The following SH3KBP1 variants were observed in gnomAD, a reference collection of about 807,000 sequenced individuals.
SH3KBP1 encodes SH3 domain containing kinase binding protein 1.
In SH3KBP1, 8 loss-of-function variants were observed where a neutral mutation model predicts 50.1. The ratio of observed to expected loss-of-function variants is 0.16; its 90% CI spans 0.09 to 0.29. The LOEUF (loss-of-function observed/expected upper bound fraction) is 0.29. Among genes scored for constraint, SH3KBP1 ranks in the 10% least tolerant of loss-of-function variants. The probability of loss-of-function intolerance (pLI) is 1.00; values close to 1 mark genes in which losing one functional copy is unlikely to be tolerated. For missense variants in SH3KBP1, 377 were observed against 535.2 expected (o/e 0.70, Z 2.92); for synonymous variants, 227 against 218.6 (o/e 1.04, Z -0.34).
chrX:19,746,587 T>C (rs2064925666), intron 2 of SH3KBP1, 146 bp from the exon 3 acceptor site: 3 of 576,735 alleles, frequency 5.2e-6, no homozygotes, highest in African/African-American at 4.7e-5. Flanking sequence ...CCATTTTCTG[T>C]ATCTTTGTAG....
chrX:19,813,846 C>A (rs749438394), intron 2 of SH3KBP1, among the ~76,000 whole-genome samples: 2 of 112,135 alleles, frequency 1.8e-5, no homozygotes, highest in Non-Finnish European at 3.8e-5. Flanking sequence ...AGTATTTCTC[C>A]AGTGTCTTGG....
chrX:19,536,733 C>T (rs2064719866), intron 17 of SH3KBP1, among the ~76,000 whole-genome samples: 1 of 112,081 alleles, frequency 8.9e-6, no homozygotes. Flanking sequence ...ATTCCAGTTT[C>T]TTAGCCAGAG....
intron 3 of SH3KBP1, among the ~76,000 whole-genome samples, chrX:19,733,280 T>C (rs1325899753): frequency 9.0e-6 from 1 of 110,558 alleles, no homozygotes; most frequent in African/African-American, 3.3e-5. Context: ...TTTTTGAAAA[T>C]GAAGGGTGAT....
chrX:19,740,371 C>T (rs1476630189), intron 3 of SH3KBP1, among the ~76,000 whole-genome samples: 1 of 112,115 alleles, frequency 8.9e-6, no homozygotes, highest in East Asian at 2.8e-4. Flanking sequence ...GTATATATTA[C>T]TGAATGACTA....
intron 1 of SH3KBP1, among the ~76,000 whole-genome samples, chrX:19,873,329 C>T (rs191392589): frequency 0.024 from 2,191 of 92,127 alleles, 39 homozygotes; most frequent in African/African-American, 0.073. Flanking sequence ...CATATATATA[C>T]ATGTATATAT....
At chrX:19,626,965 G>A (rs1025772953) in intron 8 of SH3KBP1, among the ~76,000 whole-genome samples, 1 of 111,186 alleles carries the variant, frequency 9.0e-6, no homozygotes, top group African/African-American at 3.3e-5. Context: ...CCATCTCTAC[G>A]ACTCCACGAT....
At chrX:19,592,015 C>G (rs1318382417) in intron 11 of SH3KBP1, 52 bp downstream of exon 11, 2 of 994,987 alleles carry the variant, frequency 2.0e-6, no homozygotes, top group East Asian at 6.1e-5. Flanking sequence ...GTGTAACAGA[C>G]AGCTTCAGCT....
chrX:19,544,629 G>A (rs574319657), intron 15 of SH3KBP1, among the ~76,000 whole-genome samples: 2 of 111,856 alleles, frequency 1.8e-5, no homozygotes, highest in South Asian at 7.4e-4. Context: ...CAGTGCCTTT[G>A]CACTGACTGA....
At chrX:19,695,063 A>C in intron 5 of SH3KBP1, 1 of 1,187,429 alleles carries the variant, frequency 8.4e-7, no homozygotes. Flanking sequence ...TGGAGAAAGA[A>C]AGACCTGAAG....
At chrX:19,553,826 T>C (rs1343809868) in intron 13 of SH3KBP1, among the ~76,000 whole-genome samples, 1 of 91,655 alleles carries the variant, frequency 1.1e-5, no homozygotes, top group Non-Finnish European at 2.1e-5. Flanking sequence ...AAGCCACTCT[T>C]AACCTCTTAA....
At chrX:19,854,562 T>G (rs1320687060) in intron 1 of SH3KBP1, among the ~76,000 whole-genome samples, 3 of 112,207 alleles carry the variant, frequency 2.7e-5, no homozygotes, top group South Asian at 3.7e-4. Context: ...ATTGATTGTG[T>G]AAATGAGTGT....
chrX:19,594,790 T>C (rs1450076718), intron 10 of SH3KBP1, among the ~76,000 whole-genome samples, 159 bp downstream of exon 10: 3 of 111,828 alleles, frequency 2.7e-5, no homozygotes, highest in Non-Finnish European at 3.8e-5. Flanking sequence ...AAAACAGAAG[T>C]ATCTTTAAAA....
At chrX:19,861,321 G>A (rs912436296) in intron 1 of SH3KBP1, among the ~76,000 whole-genome samples, 9 of 109,313 alleles carry the variant, frequency 8.2e-5, no homozygotes, top group African/African-American at 3.0e-4. Context: ...AACTTGCAGT[G>A]AGCCGAGATC....
chrX:19,838,502 C>T (rs947507046), intron 1 of SH3KBP1, among the ~76,000 whole-genome samples: 1 of 112,413 alleles, frequency 8.9e-6, no homozygotes, highest in Middle Eastern at 4.6e-3. Context: ...CCCCTTCTTG[C>T]TGAAATCACC....
intron 7 of SH3KBP1, among the ~76,000 whole-genome samples, chrX:19,644,365 ATTGT>A (rs893404956): frequency 5.4e-5 from 6 of 111,936 alleles, no homozygotes; most frequent in Non-Finnish European, 1.1e-4. Flanking sequence ...GTGTAACTGG[ATTGT>A]TTGTAACTCA....
At chrX:19,767,880 C>T (rs929934470) in intron 2 of SH3KBP1, among the ~76,000 whole-genome samples, 2 of 110,744 alleles carry the variant, frequency 1.8e-5, no homozygotes, top group African/African-American at 6.6e-5. Context: ...TCCCTCCCCC[C>T]ACACCAGTAG....
rs3036641 is a variant in SH3KBP1 at position 19,826,685 on chromosome X, A to AATAACATAACATAAC, written c.162+9425_162+9439dup. On this transcript the variant is annotated intron_variant, in intron 2 of 17. Transcript: ENST00000397821. ...GCTATGGAAGGAGACACTGTCTCTAAATAACATAACATAACATAACATAAC... is the reference window on the plus strand; with the variant it reads ...GCTATGGAAGGAGACACTGTCTCTAAATAACATAACATAACATAACATAACATAACATAACATAAC... Among the ~76,000 whole-genome samples, 318 of 89,666 alleles carry AATAACATAACATAAC rather than the reference A, an allele frequency of 3.5e-3. 4 individuals are homozygous for AATAACATAACATAAC. The highest frequency in any genetic ancestry group is 0.01 in the Admixed American group (79 of 7,745). 77.9% of individuals were successfully genotyped at this position (89,666 alleles called of 115,157 possible).
chrX:19,879,246 A>T (rs1174493088), intron 1 of SH3KBP1, among the ~76,000 whole-genome samples: 2 of 111,846 alleles, frequency 1.8e-5, no homozygotes, highest in Admixed American at 9.5e-5. Context: ...CCCTGTCTCA[A>T]AAAATAAAAA....
chrX:19,706,033 A>G (rs902627971), intron 4 of SH3KBP1, among the ~76,000 whole-genome samples: 12 of 111,653 alleles, frequency 1.1e-4, no homozygotes, highest in African/African-American at 3.9e-4. Flanking sequence ...GAGCTAGGAA[A>G]TCTGGCTTCT....
Sources: gnomAD v4.1 joint callset for allele counts (sites outside exome capture counted in the v4.1 genomes callset) on GRCh38, gnomAD v4.1.1 for gene constraint, MANE v1.5 for transcripts, NCBI Gene and HGNC (gene_info 2026-07-23, HGNC 2026-07-21) for gene names.